Variants in GSE1 observed in about 807,000 individuals in gnomAD.
GSE1 encodes Gse1 coiled-coil protein, also known as genetic suppressor element 1.
A neutral mutation model predicts 112.6 loss-of-function variants in GSE1; 32 were observed. That is an observed-to-expected ratio of 0.28 (90% CI 0.21 to 0.38). The LOEUF is 0.38. Among genes scored for constraint, GSE1 ranks in the 10% least tolerant of loss-of-function variants. The pLI is 1.00. For missense variants in GSE1, 2,348 were observed against 1,699.2 expected (o/e 1.38, Z -6.71); for synonymous variants, 1,115 against 735.6 (o/e 1.52, Z -8.35).
intron 1 of GSE1, chr16:85,357,430 C>G (rs2046972712): frequency 8.5e-7 from 1 of 1,175,298 alleles, no homozygotes. Context: ...AGGCATGGCC[C>G]AGGCTCACTG....
At chr16:85,655,604 C>A in intron 5 of GSE1, 122 bp from the exon 6 acceptor site, 1 of 632,852 alleles carries the variant, frequency 1.6e-6, no homozygotes, top group Non-Finnish European at 2.8e-6. Context: ...TCATCCCCAG[C>A]CATTTTGTCA....
At chr16:85,506,635 T>C (rs1183262261) in intron 2 of GSE1, among the ~76,000 whole-genome samples, 2 of 151,976 alleles carry the variant, frequency 1.3e-5, no homozygotes, top group East Asian at 1.9e-4. Context: ...TGTTTTCTTA[T>C]ATGTAGAGGG....
chr16:85,670,889 G>T, intron 14 of GSE1, 106 bp from the exon 15 acceptor site: 1 of 717,624 alleles, frequency 1.4e-6, no homozygotes. Flanking sequence ...GGCTGCACTG[G>T]AGAGAGGTTT....
chr16:85,638,594 A>G (rs1435496320), intron 2 of GSE1, among the ~76,000 whole-genome samples: 1 of 152,104 alleles, frequency 6.6e-6, no homozygotes, highest in Non-Finnish European at 1.5e-5. Context: ...GGAATGTGCC[A>G]CAGCCGGGAA....
chr16:85,186,930 G>A lies in GSE1; in HGVS notation c.2283+15123G>A, dbSNP rs117334469. Reference sequence around the variant, plus strand: ...GACCCTGTAAACAGGACCCTCTGACGGGTGTACCAGGGAAGTTGACTTCCT... The same window carrying A: ...GACCCTGTAAACAGGACCCTCTGACAGGTGTACCAGGGAAGTTGACTTCCT... On this transcript the variant is annotated intron_variant, in intron 1 of 2. Coordinates refer to the GSE1 transcript ENST00000637419. Among the ~76,000 whole-genome samples, 60 of 152,308 alleles carry A rather than the reference G, an allele frequency of 3.9e-4. 1 individual carries two copies. The East Asian group carries it at 9.1e-3, about 23-fold the overall frequency.
intron 2 of GSE1, among the ~76,000 whole-genome samples, chr16:85,448,036 A>G (rs2151796227): frequency 6.6e-6 from 1 of 152,312 alleles, no homozygotes; most frequent in Admixed American, 6.5e-5. Context: ...AAGGAAGCGT[A>G]GGGCACCTGG....
chr16:85,422,378 G>A (rs2048866924), intron 2 of GSE1, among the ~76,000 whole-genome samples: 1 of 150,828 alleles, frequency 6.6e-6, no homozygotes, highest in Non-Finnish European at 1.5e-5. Context: ...GCGGGGGGGG[G>A]TGCCCCTGTG....
intron 1 of GSE1, among the ~76,000 whole-genome samples, chr16:85,623,479 A>G (rs1237172777): frequency 6.6e-6 from 1 of 152,190 alleles, no homozygotes; most frequent in Admixed American, 6.5e-5. Flanking sequence ...GCTGTTGGGC[A>G]TGAGTCAGCC....
At chr16:85,226,883 GGGAAGACTTT>G (rs2075497694) in intron 1 of GSE1, among the ~76,000 whole-genome samples, 1 of 151,374 alleles carries the variant, frequency 6.6e-6, no homozygotes, top group Non-Finnish European at 1.5e-5. Flanking sequence ...GTGAGGCTGG[GGGAAGACTTT>G]GCAGGCTCTT....
At chr16:85,535,684 G>A (rs555871841) in intron 2 of GSE1, among the ~76,000 whole-genome samples, 5 of 152,298 alleles carry the variant, frequency 3.3e-5, no homozygotes, top group Admixed American at 2.6e-4. Context: ...TCACTGACCT[G>A]GAGCTGCATG....
At chr16:85,262,068 A>T (rs1056852014) in intron 1 of GSE1, among the ~76,000 whole-genome samples, 1 of 152,130 alleles carries the variant, frequency 6.6e-6, no homozygotes, top group Non-Finnish European at 1.5e-5. Flanking sequence ...GCCTGTTTTG[A>T]ATCCAGAGCC....
At chr16:85,264,510 C>G (rs1413043029) in intron 1 of GSE1, among the ~76,000 whole-genome samples, 2 of 152,160 alleles carry the variant, frequency 1.3e-5, no homozygotes, top group African/African-American at 4.8e-5. Context: ...CGACTCTCCT[C>G]TGCACCTGCC....
intron 1 of GSE1, among the ~76,000 whole-genome samples, chr16:85,256,641 C>T (rs370429107): frequency 1.3e-5 from 2 of 152,384 alleles, no homozygotes; most frequent in South Asian, 4.1e-4. Flanking sequence ...AGCTCCTCCC[C>T]ATCCCTGCCT....
At chr16:85,589,499 C>T (rs1043833001) in intron 1 of GSE1, among the ~76,000 whole-genome samples, 1 of 152,164 alleles carries the variant, frequency 6.6e-6, no homozygotes, top group African/African-American at 2.4e-5. Context: ...GTTGAGTTTC[C>T]CTGGCATCTC....
At chr16:85,193,714 CT>C (rs1386676419) in intron 1 of GSE1, among the ~76,000 whole-genome samples, 1 of 152,232 alleles carries the variant, frequency 6.6e-6, no homozygotes, top group African/African-American at 2.4e-5. Context: ...CCGCCTCAGC[CT>C]CCCAAAGTGC....
chr16:85,402,437 T>A (rs1339678197), intron 2 of GSE1, among the ~76,000 whole-genome samples: 1 of 151,810 alleles, frequency 6.6e-6, no homozygotes, highest in Non-Finnish European at 1.5e-5. Flanking sequence ...ATAGGGAAGG[T>A]CATGGTGGTT....
chr16:85,291,002 G>A (rs930665643), intron 1 of GSE1, among the ~76,000 whole-genome samples: 1 of 152,240 alleles, frequency 6.6e-6, no homozygotes, highest in African/African-American at 2.4e-5. Flanking sequence ...ATGGGAGGGG[G>A]CTGCAGGCCT....
At chr16:85,268,468 T>C (rs1908489566) in intron 1 of GSE1, among the ~76,000 whole-genome samples, 2 of 152,132 alleles carry the variant, frequency 1.3e-5, no homozygotes, top group Admixed American at 6.5e-5. Context: ...CCTAGTTTGC[T>C]ATCACTCTTC....
intron 1 of GSE1, among the ~76,000 whole-genome samples, chr16:85,298,437 A>G (rs2045427378): frequency 6.6e-6 from 1 of 152,014 alleles, no homozygotes; most frequent in South Asian, 2.1e-4. Context: ...TATTATTATT[A>G]TTGTTATTTT....
Sources: allele counts gnomAD v4.1 joint callset (sites outside exome capture counted in the v4.1 genomes callset), GRCh38; gene constraint gnomAD v4.1.1; transcripts MANE v1.5; gene names NCBI Gene and HGNC (gene_info 2026-07-23, HGNC 2026-07-21).